The following S100Z variants were observed in gnomAD, a reference collection of about 807,000 sequenced individuals.
S100Z encodes the protein S100 calcium binding protein Z, also known as protein S100-Z.
A neutral mutation model predicts 8.5 loss-of-function variants in S100Z; 11 were observed. The observed-to-expected ratio is 1.30, with a 90% confidence interval of 0.82 to 2.15. S100Z has a LOEUF of 2.15. Ranked by LOEUF, S100Z falls within the 30% of genes most tolerant of loss-of-function variation. The pLI is 0.00. For synonymous variants in S100Z, 34 were observed against 43.8 expected (o/e 0.78, Z 0.89); for missense variants, 126 against 117.9 (o/e 1.07, Z -0.32).
chr5:76,915,230 G>C (rs1744815606), intron 4 of S100Z, among the ~76,000 whole-genome samples: 1 of 151,566 alleles, frequency 6.6e-6, no homozygotes, highest in Non-Finnish European at 1.5e-5. Context: ...GCGTAAACCT[G>C]GGAGGCGGAG....
At chr5:76,937,589 C>G in the S100Z span, among the ~76,000 whole-genome samples, 1 of 151,438 alleles carries the variant, frequency 6.6e-6, no homozygotes, top group Non-Finnish European at 1.5e-5. Flanking sequence ...GACCTTGTCT[C>G]TACCATAAAA....
the S100Z span, among the ~76,000 whole-genome samples, chr5:76,937,770 AGG>A: frequency 1.3e-5 from 2 of 149,496 alleles, no homozygotes; most frequent in African/African-American, 4.9e-5. Flanking sequence ...AAAAAAAAAA[AGG>A]AGGCAACCTA....
intron 4 of S100Z, among the ~76,000 whole-genome samples, chr5:76,897,687 A>G (rs1465960290): frequency 6.6e-6 from 1 of 151,672 alleles, no homozygotes; most frequent in Non-Finnish European, 1.5e-5. Context: ...CATTACAGAG[A>G]TCTTTCACTT....
chr5:76,864,605 T>C (rs2150628436), intron 1 of S100Z, among the ~76,000 whole-genome samples: 1 of 152,184 alleles, frequency 6.6e-6, no homozygotes, highest in East Asian at 1.9e-4. Context: ...GGTTTTGCCA[T>C]GTTGCCTAGG....
intron 1 of S100Z, among the ~76,000 whole-genome samples, chr5:76,867,843 A>C (rs1179752814): frequency 9.9e-5 from 15 of 152,194 alleles, no homozygotes; most frequent in Non-Finnish European, 1.5e-5. Flanking sequence ...TGGCCTCCCA[A>C]AATGCTGGGA....
At chr5:76,911,250 A>G (rs1283504231) in intron 4 of S100Z, among the ~76,000 whole-genome samples, 3 of 152,070 alleles carry the variant, frequency 2.0e-5, no homozygotes, top group Admixed American at 2.0e-4. Flanking sequence ...AGGAAATGCA[A>G]CAGTCCCTGC....
intron 3 of S100Z, among the ~76,000 whole-genome samples, chr5:76,876,621 T>TCGGCCTC (rs1224092635): frequency 2.6e-5 from 4 of 152,182 alleles, no homozygotes; most frequent in African/African-American, 9.7e-5. Flanking sequence ...TCTGCCTGCC[T>TCGGCCTC]CGGCCTCCCA....
the S100Z span, among the ~76,000 whole-genome samples, chr5:76,928,969 G>A: frequency 8.5e-5 from 13 of 152,314 alleles, no homozygotes; most frequent in East Asian, 1.4e-3. Context: ...CTCGAACTCC[G>A]GGGCTCTCAA....
At chr5:76,850,768 G>A (rs773810532) in intron 1 of S100Z, among the ~76,000 whole-genome samples, 7 of 152,208 alleles carry the variant, frequency 4.6e-5, no homozygotes, top group Non-Finnish European at 8.8e-5. Context: ...CTGGGGAGAA[G>A]TTGGTGAGAG....
At chr5:76,909,863 G>T (rs1744587419) in intron 4 of S100Z, among the ~76,000 whole-genome samples, 1 of 152,240 alleles carries the variant, frequency 6.6e-6, no homozygotes, top group Non-Finnish European at 1.5e-5. Flanking sequence ...GAGATGTCAT[G>T]CTATTGTTAG....
intron 2 of S100Z, 77 bp from the exon 3 acceptor site, chr5:76,875,227 C>G: frequency 1.3e-6 from 1 of 796,298 alleles, no homozygotes; most frequent in Non-Finnish European, 1.9e-6. Context: ...ACTTGTGTGG[C>G]GAGCTGACTC....
In S100Z at chr5:76,887,814, C is replaced by T. The variant is rs537433601; in HGVS notation, c.*2+9980C>T. On this transcript the variant is annotated intron_variant, in intron 4 of 4. Coordinates refer to ENST00000317593, the MANE Select transcript of S100Z (RefSeq NM_130772.4). Reference sequence around the variant, plus strand: ...AGTGCTAAGACCTGCCATTTTTTTCCCCCTTAAATAGAATATTTTTGTCTC... The same window carrying T: ...AGTGCTAAGACCTGCCATTTTTTTCTCCCTTAAATAGAATATTTTTGTCTC... Among the ~76,000 whole-genome samples the T allele has an allele frequency of 6.6e-5, 10 of 152,096 alleles. No homozygotes were observed. In the East Asian group the frequency reaches 1.9e-3, roughly 29 times the overall value.
chr5:76,910,440 T>C (rs1276228748), intron 4 of S100Z, among the ~76,000 whole-genome samples: 2 of 152,166 alleles, frequency 1.3e-5, no homozygotes, highest in African/African-American at 2.4e-5. Flanking sequence ...GCCTTAGTCA[T>C]GGCCCTCACA....
intron 4 of S100Z, among the ~76,000 whole-genome samples, chr5:76,915,370 G>A (rs1049612640): frequency 2.7e-5 from 4 of 149,838 alleles, no homozygotes; most frequent in East Asian, 4.0e-4. Context: ...TTGGGAGGCC[G>A]AGGCGGGCAG....
chr5:76,871,086 G>C (rs1451183326), intron 2 of S100Z, among the ~76,000 whole-genome samples: 1 of 152,102 alleles, frequency 6.6e-6, no homozygotes, highest in African/African-American at 2.4e-5. Context: ...GGTCAGACAG[G>C]CCTCATTGTA....
chr5:76,866,094 C>T (rs1751264995), intron 1 of S100Z, among the ~76,000 whole-genome samples: 1 of 150,176 alleles, frequency 6.7e-6, no homozygotes, highest in Non-Finnish European at 1.5e-5. Flanking sequence ...TGTTTGTTTG[C>T]TTGTTTTTGA....
intron 3 of S100Z, among the ~76,000 whole-genome samples, chr5:76,877,142 G>T (rs1743218578): frequency 6.6e-6 from 1 of 152,036 alleles, no homozygotes; most frequent in African/African-American, 2.4e-5. Flanking sequence ...ATTTAACTAG[G>T]TATCTAGTAT....
intron 1 of S100Z, among the ~76,000 whole-genome samples, chr5:76,861,940 T>G (rs1234367711): frequency 6.6e-6 from 1 of 152,210 alleles, no homozygotes; most frequent in Admixed American, 6.5e-5. Flanking sequence ...TAGGGATTTT[T>G]TTTTCCTTTA....
intron 1 of S100Z, among the ~76,000 whole-genome samples, chr5:76,850,718 C>G (rs1315820179): frequency 6.6e-6 from 1 of 152,198 alleles, no homozygotes; most frequent in East Asian, 1.9e-4. Context: ...AATGGCTGCT[C>G]TCAGCCTACA....
Sources: gnomAD v4.1 joint callset for allele counts (sites outside exome capture counted in the v4.1 genomes callset) on GRCh38, gnomAD v4.1.1 for gene constraint, MANE v1.5 for transcripts, NCBI Gene and HGNC (gene_info 2026-07-23, HGNC 2026-07-21) for gene names.